Variants in ARHGAP15 observed in about 807,000 individuals in gnomAD.
ARHGAP15 encodes rho GTPase-activating protein 15.
Under a neutral mutation model 63.7 loss-of-function variants are expected in ARHGAP15, and 51 were observed. That is an observed-to-expected ratio of 0.80 (90% CI 0.64 to 1.01). The LOEUF is 1.01. Among genes scored for constraint, ARHGAP15 ranks in the 50% least tolerant of loss-of-function variants. The pLI, the probability that ARHGAP15 is intolerant of heterozygous loss-of-function variation, is 0.00. For synonymous variants in ARHGAP15, 191 were observed against 193.8 expected (o/e 0.99, Z 0.12); for missense variants, 560 against 564.6 (o/e 0.99, Z 0.08).
chr2:143,227,959 C>T (rs965830840), intron 4 of ARHGAP15: 1 of 152,124 alleles, frequency 6.6e-6, no homozygotes, highest in Admixed American at 6.5e-5. Flanking sequence ...TGCATTCCCA[C>T]CAATAGTGTA....
chr2:143,723,743 G>T (rs1685163125), intron 13 of ARHGAP15, among the ~76,000 whole-genome samples: 1 of 152,224 alleles, frequency 6.6e-6, no homozygotes, highest in African/African-American at 2.4e-5. Context: ...ACAGCCTTTT[G>T]CGTAGGAATG....
chr2:143,292,905 A>G (rs896127605), intron 6 of ARHGAP15, among the ~76,000 whole-genome samples: 5 of 152,158 alleles, frequency 3.3e-5, no homozygotes, highest in Admixed American at 6.6e-5. Flanking sequence ...ATTAGTTTTA[A>G]GTGATAACAT....
chr2:143,702,675 G>C (rs188706406), intron 12 of ARHGAP15, among the ~76,000 whole-genome samples: 67 of 152,264 alleles, frequency 4.4e-4, no homozygotes, highest in Non-Finnish European at 7.5e-4. Context: ...AACTGAAGAG[G>C]TTGGTAGGCC....
intron 12 of ARHGAP15, among the ~76,000 whole-genome samples, chr2:143,663,152 G>C (rs1430758098): frequency 8.4e-6 from 1 of 119,042 alleles, no homozygotes; most frequent in Non-Finnish European, 1.8e-5. Context: ...AAAATGTTAA[G>C]GGCAGCCAGA....
At chr2:143,537,146 T>TC in intron 10 of ARHGAP15, among the ~76,000 whole-genome samples, 1 of 152,252 alleles carries the variant, frequency 6.6e-6, no homozygotes, top group East Asian at 1.9e-4. Context: ...GAGCATTTTT[T>TC]CATGTGTTTT....
At chr2:143,547,513 T>C (rs1336681154) in intron 10 of ARHGAP15, among the ~76,000 whole-genome samples, 1 of 152,022 alleles carries the variant, frequency 6.6e-6, no homozygotes, top group Non-Finnish European at 1.5e-5. Context: ...TTTTTGAAAG[T>C]ATACTACTGC....
At chr2:143,586,347 A>AT (rs901432460) in intron 11 of ARHGAP15, among the ~76,000 whole-genome samples, 57 of 151,098 alleles carry the variant, frequency 3.8e-4, no homozygotes, top group African/African-American at 1.1e-3. Context: ...TACATCTTTA[A>AT]TTTTTTTTTC....
intron 6 of ARHGAP15, among the ~76,000 whole-genome samples, chr2:143,296,239 C>T (rs761431982): frequency 6.6e-6 from 1 of 151,936 alleles, no homozygotes; most frequent in Non-Finnish European, 1.5e-5. Context: ...CAGAGCACTT[C>T]GAGTGACATC....
intron 12 of ARHGAP15, among the ~76,000 whole-genome samples, chr2:143,657,263 C>A (rs1190057890): frequency 6.6e-6 from 1 of 152,158 alleles, no homozygotes; most frequent in Non-Finnish European, 1.5e-5. Flanking sequence ...AGGAGAATAG[C>A]GTGAACCCTG....
chr2:143,373,847 A>G (rs1399960272), intron 6 of ARHGAP15, among the ~76,000 whole-genome samples: 6 of 152,144 alleles, frequency 3.9e-5, no homozygotes, highest in African/African-American at 1.4e-4. Flanking sequence ...ACTTAGTGTA[A>G]TATTAATAAA....
At chr2:143,746,611 C>CT (rs983681675) in intron 13 of ARHGAP15, among the ~76,000 whole-genome samples, 1 of 152,154 alleles carries the variant, frequency 6.6e-6, no homozygotes, top group African/African-American at 2.4e-5. Context: ...AATGCCCTAA[C>CT]TTTTTTACCA....
intron 6 of ARHGAP15, among the ~76,000 whole-genome samples, chr2:143,413,966 T>TGTGTGTGTGTGTGTGCAC: frequency 2.5e-5 from 3 of 117,908 alleles, no homozygotes; most frequent in African/African-American, 7.1e-5. Context: ...TGTGTGTGTG[T>TGTGTGTGTGTGTGTGCAC]GCGCGCTCTC....
At chr2:143,392,875 A>C (rs1687593792) in intron 6 of ARHGAP15, among the ~76,000 whole-genome samples, 2 of 152,108 alleles carry the variant, frequency 1.3e-5, no homozygotes, top group Admixed American at 1.3e-4. Context: ...ACTTTTTTTC[A>C]AACTAACTCA....
intron 6 of ARHGAP15, among the ~76,000 whole-genome samples, chr2:143,434,713 A>G (rs1047761234): frequency 3.3e-5 from 5 of 152,150 alleles, no homozygotes; most frequent in African/African-American, 1.2e-4. Context: ...AGTCAATAAT[A>G]CAAAGGGAAA....
chr2:143,611,155 G>T (rs1698239708), intron 11 of ARHGAP15, among the ~76,000 whole-genome samples: 1 of 152,126 alleles, frequency 6.6e-6, no homozygotes, highest in Non-Finnish European at 1.5e-5. Context: ...TATTAATCCA[G>T]GAACTCATGT....
intron 8 of ARHGAP15, among the ~76,000 whole-genome samples, chr2:143,458,141 A>T (rs1392537861): frequency 2.6e-5 from 4 of 152,158 alleles, no homozygotes; most frequent in African/African-American, 9.6e-5. Context: ...ATATTTGAAC[A>T]TACATCTTCA....
At position 143,612,442 on chromosome 2, in the gene ARHGAP15, G is replaced by C. The variant is rs546155791; in HGVS notation, c.1004-11691G>C. ...CCTTAAATGTCCTGTGTGTGATGCT[G>C]ATATAGCTGGTTCTGGGACATCCTT... On this transcript the variant is annotated intron_variant, in intron 11 of 13. Transcript: ENST00000295095. Among the ~76,000 whole-genome samples the C allele has an allele frequency of 7.2e-5, 11 of 152,336 alleles. No individual in the cohort carries two copies. In the South Asian group the frequency reaches 2.3e-3, roughly 32 times the overall value.
chr2:143,718,458 T>C (rs1684906573), intron 13 of ARHGAP15, among the ~76,000 whole-genome samples: 2 of 152,152 alleles, frequency 1.3e-5, no homozygotes, highest in Admixed American at 1.3e-4. Flanking sequence ...CTCAATGACA[T>C]TTTTTGGTCT....
intron 6 of ARHGAP15, among the ~76,000 whole-genome samples, chr2:143,390,482 T>C (rs1173451619): frequency 6.6e-6 from 1 of 152,084 alleles, no homozygotes; most frequent in Non-Finnish European, 1.5e-5. Flanking sequence ...AAAGAGACTG[T>C]GAGAGGACAT....
Sources: gnomAD v4.1 joint callset for allele counts (sites outside exome capture counted in the v4.1 genomes callset) on GRCh38, gnomAD v4.1.1 for gene constraint, MANE v1.5 for transcripts, NCBI Gene and HGNC (gene_info 2026-07-23, HGNC 2026-07-21) for gene names.